Variants in UTS2B observed in about 807,000 individuals in gnomAD.
UTS2B encodes urotensin 2B, also known as urotensin-2B.
A neutral mutation model predicts 19.2 loss-of-function variants in UTS2B; 21 were observed. That is an observed-to-expected ratio of 1.09 (90% CI 0.78 to 1.58). The LOEUF (loss-of-function observed/expected upper bound fraction) is 1.58, where lower values mean the gene tolerates loss of function less well. Among genes scored for constraint, UTS2B ranks in the 40% most tolerant of loss-of-function variants. The pLI is 0.00. For missense variants in UTS2B, 138 were observed against 130.3 expected, an observed-to-expected ratio of 1.06 and a Z score of -0.29; for synonymous variants, 57 against 50.2, an observed-to-expected ratio of 1.14 and a Z score of -0.58.
intron 2 of UTS2B, among the ~76,000 whole-genome samples, chr3:191,321,960 G>A (rs1018468990): frequency 7.2e-5 from 11 of 152,158 alleles, no homozygotes; most frequent in African/African-American, 2.2e-4. Flanking sequence ...CTGGGAGGCG[G>A]AGGTTGCAGT....
At chr3:191,271,971 T>C (rs954330043) in intron 8 of UTS2B, among the ~76,000 whole-genome samples, 1 of 152,178 alleles carries the variant, frequency 6.6e-6, no homozygotes, top group East Asian at 1.9e-4. Context: ...GGATCCCACA[T>C]CCCCATTAAG....
intron 4 of UTS2B, among the ~76,000 whole-genome samples, chr3:191,303,894 CTTAG>C (rs1389455801): frequency 6.6e-6 from 1 of 152,110 alleles, no homozygotes; most frequent in Non-Finnish European, 1.5e-5. Flanking sequence ...GAGGCACACA[CTTAG>C]TTAGGTCCAG....
chr3:191,310,750 A>AGAGTTAT (rs371268749), intron 3 of UTS2B, among the ~76,000 whole-genome samples: 34,640 of 151,804 alleles, frequency 0.23, 4,142 homozygotes, highest in South Asian at 0.28. Flanking sequence ...TAATTTGGTT[A>AGAGTTAT]AAGTTATAGT....
intron 4 of UTS2B, among the ~76,000 whole-genome samples, chr3:191,298,321 T>G (rs1442023596): frequency 6.6e-6 from 1 of 152,190 alleles, no homozygotes; most frequent in Non-Finnish European, 1.5e-5. Context: ...TCCCCAATAT[T>G]GGAAGTGGAT....
At chr3:191,289,276 G>T (rs1716641997) in intron 4 of UTS2B, among the ~76,000 whole-genome samples, 1 of 151,964 alleles carries the variant, frequency 6.6e-6, no homozygotes, top group Non-Finnish European at 1.5e-5. Context: ...AGGCATGGTG[G>T]CAGGCGCCTG....
chr3:191,320,523 G>A (rs974472864), intron 2 of UTS2B, among the ~76,000 whole-genome samples: 1 of 152,184 alleles, frequency 6.6e-6, no homozygotes. Flanking sequence ...ATGCTTTAAG[G>A]TATAAGTCAC....
intron 4 of UTS2B, among the ~76,000 whole-genome samples, chr3:191,297,989 C>T (rs1173259991): frequency 6.6e-6 from 1 of 152,190 alleles, no homozygotes; most frequent in Non-Finnish European, 1.5e-5. Context: ...GCTTCTGTCT[C>T]TAACATGTAA....
intron 6 of UTS2B, 36 bp downstream of exon 6, chr3:191,278,036 T>C (rs1406911716): frequency 1.8e-6 from 2 of 1,122,924 alleles, no homozygotes; most frequent in Non-Finnish European, 2.5e-6. Context: ...ATTGTTATTT[T>C]TTAATAAATA....
chr3:191,293,679 G>A (rs574256992), intron 4 of UTS2B, among the ~76,000 whole-genome samples: 30 of 151,998 alleles, frequency 2.0e-4, no homozygotes, highest in Non-Finnish European at 3.8e-4. Flanking sequence ...CATCCAGAAG[G>A]GGCTTTGATC....
intron 8 of UTS2B, among the ~76,000 whole-genome samples, chr3:191,271,264 T>A (rs1004745125): frequency 5.0e-5 from 7 of 139,280 alleles, no homozygotes; most frequent in Admixed American, 1.4e-4. Context: ...GATCACCCCA[T>A]CCAGACAATG....
At chr3:191,336,838 T>C in the UTS2B span, among the ~76,000 whole-genome samples, 1 of 152,224 alleles carries the variant, frequency 6.6e-6, no homozygotes, top group African/African-American at 2.4e-5. Context: ...AGCTCATTTA[T>C]CTGATAAAGA....
At chr3:191,278,545 T>C (rs1323359666) in intron 5 of UTS2B, among the ~76,000 whole-genome samples, 5 of 152,068 alleles carry the variant, frequency 3.3e-5, no homozygotes, top group Non-Finnish European at 1.5e-5. Flanking sequence ...AATAAAAATA[T>C]AGCATTCTAT....
chr3:191,322,760 T>C (rs991536960), intron 2 of UTS2B, among the ~76,000 whole-genome samples: 1 of 152,206 alleles, frequency 6.6e-6, no homozygotes, highest in African/African-American at 2.4e-5. Context: ...AAATGGGGTC[T>C]CATCAGGGCT....
intron 2 of UTS2B, among the ~76,000 whole-genome samples, chr3:191,316,697 G>A (rs1443002532): frequency 6.6e-6 from 1 of 152,236 alleles, no homozygotes; most frequent in Non-Finnish European, 1.5e-5. Flanking sequence ...CCTCTAGCTA[G>A]CCATAAAAGT....
chr3:191,283,267 C>G (rs949949206), intron 4 of UTS2B, among the ~76,000 whole-genome samples: 3 of 152,154 alleles, frequency 2.0e-5, no homozygotes, highest in African/African-American at 7.2e-5. Flanking sequence ...CATTAGACTA[C>G]TAATTCATGA....
At chr3:191,269,635 G>A (rs565329129) in intron 8 of UTS2B, among the ~76,000 whole-genome samples, 1 of 152,170 alleles carries the variant, frequency 6.6e-6, no homozygotes, top group East Asian at 1.9e-4. Context: ...CTCCTGAGTA[G>A]CTGGGACTAC....
the UTS2B span, among the ~76,000 whole-genome samples, chr3:191,335,975 T>A: frequency 6.6e-6 from 1 of 151,252 alleles, no homozygotes; most frequent in East Asian, 2.0e-4. Flanking sequence ...CCTTGTAGTT[T>A]TGCCTTGTCA....
chr3:191,322,731 T>A (rs111811048), intron 2 of UTS2B, among the ~76,000 whole-genome samples: 2 of 152,192 alleles, frequency 1.3e-5, no homozygotes, highest in African/African-American at 4.8e-5. Context: ...TTGGGAGTAA[T>A]ATCTTTGAGA....
intron 2 of UTS2B, among the ~76,000 whole-genome samples, chr3:191,319,033 C>CT (rs770997750): frequency 3.3e-5 from 5 of 152,018 alleles, no homozygotes; most frequent in Non-Finnish European, 4.4e-5. Context: ...CATAATAACT[C>CT]TATCATACGA....
Sources: allele counts gnomAD v4.1 joint callset (sites outside exome capture counted in the v4.1 genomes callset), GRCh38; gene constraint gnomAD v4.1.1; transcripts MANE v1.5; gene names NCBI Gene and HGNC (gene_info 2026-07-23, HGNC 2026-07-21).